The following BBS2 variants were observed in gnomAD, a reference collection of about 807,000 sequenced individuals.
BBS2 encodes Bardet-Biedl syndrome 2.
BBS2 carries 62 observed loss-of-function variants against 83.0 expected under a neutral mutation model. That is an observed-to-expected ratio of 0.75 (90% confidence interval 0.61 to 0.92). The LOEUF is 0.92. Among genes scored for constraint, BBS2 ranks in the 40% least tolerant of loss-of-function variants. The pLI is 0.00. For synonymous variants in BBS2, 303 were observed against 326.1 expected (o/e 0.93, Z 0.76); for missense variants, 784 against 901.0 (o/e 0.87, Z 1.66).
chr16:56,502,527 AC>A (rs1964304729), intron 8 of BBS2, 71 bp from the exon 9 acceptor site: 1 of 1,612,752 alleles, frequency 6.2e-7, no homozygotes, highest in African/African-American at 1.3e-5. Context: ...GCTCTTAAAA[AC>A]AAAAACCTAA....
rs930659537 is a variant in BBS2 at position 56,497,061 on chromosome 16, C to A, written c.1816G>T (p.Val606Leu). 4.3e-6 allele frequency: 7 copies of A among 1,613,166 alleles called. No homozygotes were observed. The highest frequency in any genetic ancestry group is 5.9e-6 in the Non-Finnish European group (7 of 1,179,130). ...VLVKVDEYHS[V>L]HQKLSADMAD... ...ATATCAGCACTGAGCTTCTGATGCACTGAATGATATTCATCCACCTGGAGA... is the reference window on the plus strand; with the variant it reads ...ATATCAGCACTGAGCTTCTGATGCAATGAATGATATTCATCCACCTGGAGA... Residue 606 changes from valine to leucine, a missense_variant, in exon 15 of 17, where the codon GTG (valine) becomes TTG (leucine). Transcript: ENST00000245157.
At chr16:56,485,989 A>G (rs1413141391) in intron 15 of BBS2, among the ~76,000 whole-genome samples, 3 of 152,238 alleles carry the variant, frequency 2.0e-5, no homozygotes, top group African/African-American at 7.2e-5. Context: ...GTGGTTAAGA[A>G]TTCTCAAGCC....
downstream of BBS2, among the ~76,000 whole-genome samples, chr16:56,479,687 A>G (rs573002353): frequency 1.4e-4 from 22 of 152,250 alleles, no homozygotes; most frequent in Middle Eastern, 6.8e-3. Context: ...ACAAATTCCT[A>G]TGCCAGATCT....
chr16:56,499,622 T>A (rs1237962206), intron 12 of BBS2, 156 bp downstream of exon 12: 1 of 946,238 alleles, frequency 1.1e-6, no homozygotes, highest in Non-Finnish European at 1.6e-6. Flanking sequence ...AATATTTTTA[T>A]TACAGGTTAC....
At chr16:56,491,126 A>G (rs1597006852) in intron 15 of BBS2, among the ~76,000 whole-genome samples, 1 of 152,166 alleles carries the variant, frequency 6.6e-6, no homozygotes, top group African/African-American at 2.4e-5. Flanking sequence ...TCCGGAAAAC[A>G]TATTTGCAAC....
chr16:56,471,181 G>A (rs1194860822), intron 17 of BBS2, among the ~76,000 whole-genome samples: 19 of 147,256 alleles, frequency 1.3e-4, no homozygotes, highest in Admixed American at 1.1e-3. Flanking sequence ...GCAAAACCCC[G>A]TCTCTACTAA....
rs1316813455 is a variant in BBS2, at chr16:56,514,491, A to G, written c.307T>C (p.Tyr103His). Residue 103 changes from tyrosine (Y) to histidine (H), a missense_variant, in exon 2 of 17, where the codon TAT (tyrosine) becomes CAT (histidine). Physicochemically the swap from Tyr to His is moderately conservative, Grantham distance 83. Coordinates refer to ENST00000245157, the MANE Select transcript of BBS2 (RefSeq NM_031885.5). ...LVGTQTNLLA[Y>H]DVYNNSDLFY... ...AAATCCGAATTATTGTAGACATCAT[A>G]AGCCAAAAGATTAGTCTGTGTCCCC... 3 of 1,614,178 alleles carry G rather than the reference A, an allele frequency of 1.9e-6. No homozygotes were observed. The highest frequency in any genetic ancestry group is 3.3e-5 in the Admixed American group (2 of 60,020).
intron 14 of BBS2, 162 bp downstream of exon 14, chr16:56,497,581 T>C (rs1368407714): frequency 9.0e-6 from 8 of 891,840 alleles, no homozygotes; most frequent in Non-Finnish European, 1.4e-5. Flanking sequence ...AAATAAATCC[T>C]TAAGTAGTAA....
intron 15 of BBS2, among the ~76,000 whole-genome samples, chr16:56,492,077 A>G (rs1353017923): frequency 6.6e-6 from 1 of 151,672 alleles, no homozygotes; most frequent in Admixed American, 6.6e-5. Context: ...TAAATTTTTA[A>G]TTTTTAATGA....
intron 11 of BBS2, chr16:56,500,487 G>A (rs565275079): frequency 1.2e-4 from 32 of 263,820 alleles, no homozygotes; most frequent in South Asian, 1.2e-3. Context: ...TTAGCTGGGC[G>A]TGGTGGTGGG....
At chr16:56,499,119 T>A in intron 12 of BBS2, 1 of 190,014 alleles carries the variant, frequency 5.3e-6, no homozygotes, top group South Asian at 1.0e-4. Context: ...GAACCACCCA[T>A]GAGGCCTTCT....
chr16:56,470,802 G>C (rs1963133357), intron 17 of BBS2: 2 of 1,566,860 alleles, frequency 1.3e-6, no homozygotes, highest in South Asian at 2.4e-5. Context: ...GTAAGCTGTT[G>C]TTAGGATTTG....
intron 12 of BBS2, chr16:56,499,040 G>A: frequency 8.3e-6 from 2 of 241,462 alleles, no homozygotes; most frequent in Non-Finnish European, 1.6e-5. Flanking sequence ...CACACAATAA[G>A]GAAAATATAA....
At chr16:56,483,099 A>AC (rs1420632619), downstream of BBS2, among the ~76,000 whole-genome samples, 1 of 152,192 alleles carries the variant, frequency 6.6e-6, no homozygotes, top group Non-Finnish European at 1.5e-5. Context: ...AGCCTACTCC[A>AC]CACCTAGGCT....
intron 7 of BBS2, among the ~76,000 whole-genome samples, chr16:56,504,531 C>A (rs554027516): frequency 1.3e-5 from 2 of 152,190 alleles, no homozygotes; most frequent in Admixed American, 1.3e-4. Flanking sequence ...CCTGTATTCA[C>A]AAGTTGGATC....
At chr16:56,519,114 T>C (rs1170111593) in intron 1 of BBS2, among the ~76,000 whole-genome samples, 1 of 152,016 alleles carries the variant, frequency 6.6e-6, no homozygotes, top group Non-Finnish European at 1.5e-5. Context: ...GTAAATCACT[T>C]GAGGTCAGGA....
intron 2 of BBS2, among the ~76,000 whole-genome samples, chr16:56,511,598 A>G (rs143080466): frequency 2.6e-5 from 4 of 152,270 alleles, no homozygotes; most frequent in East Asian, 3.9e-4. Flanking sequence ...TTCAACATCA[A>G]TTCTCTCCTA....
rs1258350117 is a variant in BBS2, at chr16:56,498,542, A to G, written c.1554T>C (p.Phe518=). The change falls in exon 13 of 17, where the codon TTT becomes TTC. Residue 518 remains phenylalanine, a synonymous_variant. Coordinates refer to ENST00000245157, the MANE Select transcript of BBS2 (RefSeq NM_031885.5). ...QRVVVWLGQN[F]LLPEDTHIQN... is the part of the protein sequence containing the mutation. ...GAATGTGAGTGTCTTCTGGTAACAG[A>G]AAGTTCTGACCGAGCCATACAACAA... 13 of 1,614,010 alleles carry G rather than the reference A, an allele frequency of 8.1e-6. No homozygotes were observed. In the Middle Eastern group the frequency reaches 8.2e-4, roughly 102 times the overall value.
At position 56,502,756 on chromosome 16, in the gene BBS2, GA is replaced by G; in HGVS notation, c.856del (p.Ser286LeufsTer8). Reference protein sequence around the residue: ...TGEVIFKDNFSSAIAGVVEGD... With the variant: ...TGEVIFKDNFXSAIAGVVEGD... ...CTCTACCACACCGGCAATTGCAGAAGAAAAATTGTCCTTAAAGATGACCTCC... is the reference window on the plus strand; with the variant it reads ...CTCTACCACACCGGCAATTGCAGAAGAAAATTGTCCTTAAAGATGACCTCC... On this transcript the variant is annotated frameshift_variant, in exon 8 of 17. Coordinates refer to ENST00000245157, the MANE Select transcript of BBS2 (RefSeq NM_031885.5). LOFTEE classifies it high-confidence loss of function. The G allele has an allele frequency of 6.2e-7, 1 of 1,614,122 alleles. No individual in the cohort carries two copies. The highest frequency in any genetic ancestry group is 8.5e-7 in the Non-Finnish European group (1 of 1,180,024).
Sources: allele counts gnomAD v4.1 joint callset (sites outside exome capture counted in the v4.1 genomes callset), GRCh38; gene constraint gnomAD v4.1.1; transcripts MANE v1.5; gene names NCBI Gene and HGNC (gene_info 2026-07-23, HGNC 2026-07-21).